The following TRAPPC10 variants were observed in gnomAD, a reference collection of about 807,000 sequenced individuals.
TRAPPC10 encodes trafficking protein particle complex subunit 10, also known as TRAPP 130 kDa subunit.
Under a neutral mutation model 125.5 loss-of-function variants are expected in TRAPPC10, and 23 were observed. That is an observed-to-expected ratio of 0.18 (90% CI 0.13 to 0.26). The LOEUF (loss-of-function observed/expected upper bound fraction) is 0.26. Among genes scored for constraint, TRAPPC10 ranks in the 10% least tolerant of loss-of-function variants. The pLI is 1.00. For synonymous variants in TRAPPC10, 509 were observed against 518.0 expected, an observed-to-expected ratio of 0.98 and a Z score of 0.24; for missense variants, 1,123 against 1,308.4, an observed-to-expected ratio of 0.86 and a Z score of 2.19.
intron 5 of TRAPPC10, among the ~76,000 whole-genome samples, chr21:44,058,699 A>T (rs1410700115): frequency 1.3e-5 from 2 of 152,168 alleles, no homozygotes; most frequent in Admixed American, 6.5e-5. Context: ...TAGTGAGTGT[A>T]GACAGGGAAG....
Position 44,087,437 on chromosome 21 carries a change from C to T in TRAPPC10, c.2540-262C>T, listed in dbSNP as rs143352637. 7.9e-5 allele frequency among the ~76,000 whole-genome samples: 12 copies of T among 152,342 alleles called. No homozygotes were observed. Among genetic ancestry groups the T allele is most frequent in the African/African-American group, 2.9e-4 (12 of 41,578 alleles). On this transcript the variant is annotated intron_variant, in intron 16 of 22. Transcript: ENST00000291574. This position sits in a 1 kb window ranked among gnomAD's most constrained non-coding sequence, Gnocchi z 4.6. The stretch of plus-strand genomic sequence containing the variant: ...CGGGAGAAAGTCATGCAGGGACCTA[C>T]ACAGGACTTGGGTGGGCCCCGTGGG...
In TRAPPC10 at chr21:44,094,104, C is replaced by G; in HGVS notation, c.3039C>G (p.Leu1013=). 1 of 1,614,078 alleles carries G rather than the reference C, an allele frequency of 6.2e-7. No individual in the cohort carries two copies. The highest frequency in any genetic ancestry group is 1.1e-5 in the South Asian group (1 of 91,068). ...SKQSVFFVWE[L]KWTEEPPPSL... is the part of the protein sequence containing the mutation. ...AGTCGGTGTTCTTCGTCTGGGAACT[C>G]AAGTGGACAGAAGAGCCTCCCCCTT... The change falls in exon 20 of 23, where the codon CTC becomes CTG. Residue 1013 remains leucine (L), a synonymous_variant. Transcript: ENST00000291574.
At position 44,063,924 on chromosome 21, in the gene TRAPPC10, T is replaced by C; in HGVS notation, c.1038+139T>C. 8.1e-7 allele frequency: 1 copy of C among 1,238,466 alleles called. No homozygotes were observed. The highest frequency in any genetic ancestry group is 1.1e-6 in the Non-Finnish European group (1 of 902,820). The allele number at this position is 1,238,466 out of a possible 1,614,324, so 76.7% of individuals were successfully genotyped here. On this transcript the variant is annotated intron_variant, in intron 7 of 22. Coordinates refer to ENST00000291574, the MANE Select transcript of TRAPPC10 (RefSeq NM_003274.5). The surrounding 1 kb of genome is among the most constrained non-coding windows in gnomAD (Gnocchi z 4.4). The stretch of plus-strand genomic sequence containing the variant: ...TGAATGCCTTTAATTTTCAGTATAT[T>C]GTTTGCTTAGTTACTTTTTACGTTG...
chr21:44,062,805 C>T lies in TRAPPC10; in HGVS notation c.791-733C>T, dbSNP rs1037573147. 4 of 985,302 alleles carry T rather than the reference C, an allele frequency of 4.1e-6. No individual in the cohort carries two copies. The Admixed American group carries it at 1.8e-4, about 45-fold the overall frequency. The allele number at this position is 985,302 out of a possible 1,614,324, so 61.0% of individuals were successfully genotyped here. ...TCAGTGAAGGGAGCGTTTAACCATG[C>T]CAGGATGCCACGTAGGAATGAACTG... On this transcript the variant is annotated intron_variant, in intron 6 of 22. Coordinates refer to ENST00000291574, the MANE Select transcript of TRAPPC10 (RefSeq NM_003274.5).
chr21:44,012,550 C>T lies in TRAPPC10; in HGVS notation c.57C>T (p.Pro19=), dbSNP rs2031225707. The T allele has an allele frequency of 6.5e-6, 10 of 1,536,318 alleles. No homozygotes were observed. The South Asian group carries it at 9.6e-5, about 15-fold the overall frequency. ...PPVIYTMENK[P]IVTCAGDQNL... Reference sequence around the variant, plus strand: ...TGATCTACACCATGGAGAACAAGCCCATCGTCACCTGTGAGTGCCCGGAGG... The same window carrying T: ...TGATCTACACCATGGAGAACAAGCCTATCGTCACCTGTGAGTGCCCGGAGG... The change falls in exon 1 of 23, where the codon CCC becomes CCT. Residue 19 remains proline (P), a synonymous_variant. Transcript: ENST00000291574.
At chr21:44,042,574 A>G (rs888678371) in intron 3 of TRAPPC10, among the ~76,000 whole-genome samples, 1 of 152,188 alleles carries the variant, frequency 6.6e-6, no homozygotes, top group African/African-American at 2.4e-5. Flanking sequence ...TTTTTTGGAC[A>G]TTTCATGTGT....
chr21:44,021,943 C>T (rs1025809131), intron 1 of TRAPPC10, among the ~76,000 whole-genome samples: 1 of 151,836 alleles, frequency 6.6e-6, no homozygotes, highest in Admixed American at 6.6e-5. Context: ...AAATACATTG[C>T]GATTTTTTTT....
intron 1 of TRAPPC10, among the ~76,000 whole-genome samples, chr21:44,028,438 A>G (rs561799357): frequency 3.6e-4 from 55 of 152,012 alleles, no homozygotes; most frequent in Non-Finnish European, 5.7e-4. Context: ...CATTCCCTCT[A>G]CATGTCTCTT....
intron 1 of TRAPPC10, among the ~76,000 whole-genome samples, chr21:44,019,352 C>G (rs1219938693): frequency 6.6e-6 from 1 of 152,182 alleles, no homozygotes. Context: ...GCCCAGACAG[C>G]TGCAGGGTCT....
chr21:44,025,953 C>T (rs1424366855), intron 1 of TRAPPC10, among the ~76,000 whole-genome samples: 1 of 151,276 alleles, frequency 6.6e-6, no homozygotes, highest in Non-Finnish European at 1.5e-5. Context: ...GTTAAGCCGG[C>T]GATGACATGG....
chr21:44,071,111 A>G (rs2036835055), intron 7 of TRAPPC10, among the ~76,000 whole-genome samples: 1 of 152,252 alleles, frequency 6.6e-6, no homozygotes, highest in Non-Finnish European at 1.5e-5. Context: ...GTGGAATTAA[A>G]GAAGCCCCAT....
intron 11 of TRAPPC10, among the ~76,000 whole-genome samples, chr21:44,078,472 A>G (rs1383333582): frequency 4.0e-5 from 6 of 151,292 alleles, no homozygotes; most frequent in Non-Finnish European, 8.8e-5. Context: ...GATTGAAATG[A>G]GATCTTGAAA....
chr21:44,056,947 ATT>A (rs35545264), intron 5 of TRAPPC10, among the ~76,000 whole-genome samples: 8 of 150,082 alleles, frequency 5.3e-5, no homozygotes, highest in African/African-American at 1.5e-4. Flanking sequence ...AAACTAGATA[ATT>A]TTTTTTTTTG....
At chr21:44,037,514 C>T (rs1038512462) in intron 2 of TRAPPC10, among the ~76,000 whole-genome samples, 1 of 152,112 alleles carries the variant, frequency 6.6e-6, no homozygotes, top group Non-Finnish European at 1.5e-5. Context: ...TCTGTAGTGG[C>T]CCTGGTTAAA....
rs1288288100 is a variant in TRAPPC10, at chr21:44,088,313, G to A, written c.2769+385G>A. On this transcript the variant is annotated intron_variant, in intron 17 of 22. Transcript: ENST00000291574. ...CACTGAAACTCATAAGCTCAGCCAC[G>A]GAGGAGCTGTCTCATTTTAGGCTTT... 9 of 222,500 alleles carry A rather than the reference G, an allele frequency of 4.0e-5. No homozygotes were observed. In the East Asian group the frequency reaches 6.3e-4, roughly 16 times the overall value. The allele number at this position is 222,500 out of a possible 1,614,324, so 13.8% of individuals were successfully genotyped here.
intron 2 of TRAPPC10, among the ~76,000 whole-genome samples, chr21:44,035,930 T>C (rs2033950865): frequency 6.6e-6 from 1 of 152,134 alleles, no homozygotes; most frequent in Non-Finnish European, 1.5e-5. Context: ...ATTAGTGAGC[T>C]GGAAGAATTG....
At chr21:44,094,946 TAA>T (rs2038826765) in intron 20 of TRAPPC10, among the ~76,000 whole-genome samples, 1 of 151,662 alleles carries the variant, frequency 6.6e-6, no homozygotes, top group African/African-American at 2.4e-5. Context: ...ATGTTTTATA[TAA>T]CTCTCCTTAA....
In TRAPPC10 at chr21:44,073,181, G is replaced by T. The variant is rs151085794; in HGVS notation, c.1039-1143G>T. Among the ~76,000 whole-genome samples the T allele has an allele frequency of 3.1e-3, 469 of 152,236 alleles. 2 individuals are homozygous for T. Among genetic ancestry groups the T allele is most frequent in the African/African-American group, 0.01 (423 of 41,542 alleles). On this transcript the variant is annotated intron_variant, in intron 7 of 22. Coordinates refer to ENST00000291574, the MANE Select transcript of TRAPPC10 (RefSeq NM_003274.5). Reference sequence around the variant, plus strand: ...TATTTTTCAGAAGTTGGGCTTTTTAGCTTTTATGGGAACATTTGATGGCAC... The same window carrying T: ...TATTTTTCAGAAGTTGGGCTTTTTATCTTTTATGGGAACATTTGATGGCAC...
At position 44,063,180 on chromosome 21, in the gene TRAPPC10, G is replaced by T; in HGVS notation, c.791-358G>T. On this transcript the variant is annotated intron_variant, in intron 6 of 22. Transcript: ENST00000291574. This position sits in a 1 kb window ranked among gnomAD's most constrained non-coding sequence, Gnocchi z 4.4. ...ACTCCAGCCCACAGGTAAAGATAAG[G>T]AAGCCCAGCCCCGCTGCAGCCTAAG... The T allele has an allele frequency of 7.7e-7, 1 of 1,293,726 alleles. No homozygotes were observed. The highest frequency in any genetic ancestry group is 1.0e-6 in the Non-Finnish European group (1 of 990,308). 80.1% of individuals were successfully genotyped at this position (1,293,726 alleles called of 1,614,324 possible).
Sources: gnomAD v4.1 joint callset for allele counts (sites outside exome capture counted in the v4.1 genomes callset) on GRCh38, gnomAD v4.1.1 for gene constraint, Gnocchi (gnomAD v3.1) non-coding constraint, MANE v1.5 for transcripts, NCBI Gene and HGNC (gene_info 2026-07-23, HGNC 2026-07-21) for gene names.